The following XPO1 variants were observed in gnomAD, a reference collection of about 807,000 sequenced individuals.
XPO1 encodes the protein exportin 1.
A neutral mutation model predicts 133.3 loss-of-function variants in XPO1; 5 were observed. The ratio of observed to expected loss-of-function variants is 0.04; its 90% CI spans 0.02 to 0.08. The LOEUF is 0.08. XPO1 is among the 10% of genes least tolerant of loss of function. The probability of loss-of-function intolerance (pLI) is 1.00; values close to 1 mark genes in which losing one functional copy is unlikely to be tolerated. For missense variants in XPO1, 506 were observed against 1,267.5 expected, an observed-to-expected ratio of 0.40 and a Z score of 9.12; for synonymous variants, 419 against 408.2, an observed-to-expected ratio of 1.03 and a Z score of -0.32.
chr2:61,502,011 A>G lies in XPO1; in HGVS notation c.393T>C (p.Asn131=), dbSNP rs373539410. 15 of 1,600,998 alleles carry G rather than the reference A, an allele frequency of 9.4e-6. No individual in the cohort carries two copies. Among genetic ancestry groups the G allele is most frequent in the African/African-American group, 2.7e-5 (2 of 74,536 alleles). ...EKEKVYIGKL[N]MILVQILKQE... is the part of the protein sequence containing the mutation. ...TAAAGCTTACCTGAACAAGGATCATATTTAATTTTCCGATATACACCTTTT... is the reference window on the plus strand; with the variant it reads ...TAAAGCTTACCTGAACAAGGATCATGTTTAATTTTCCGATATACACCTTTT... Residue 131 remains asparagine, a synonymous_variant, in exon 6 of 25, where the codon AAT becomes AAC. Transcript: ENST00000401558.
rs187035698 is a variant in XPO1 at position 61,496,067 on chromosome 2, T to C, written c.889-454A>G. Among the ~76,000 whole-genome samples, 3 of 152,314 alleles carry C rather than the reference T, an allele frequency of 2.0e-5. No individual in the cohort carries two copies. The East Asian group carries it at 5.8e-4, about 29-fold the overall frequency. On this transcript the variant is annotated intron_variant, in intron 10 of 24. Coordinates refer to ENST00000401558, the MANE Select transcript of XPO1 (RefSeq NM_003400.4). Reference sequence around the variant, plus strand: ...TCCAGTATACCTATTCTTATATCTCTAGGACTTAGATTTTGACTCTTCTCA... The same window carrying C: ...TCCAGTATACCTATTCTTATATCTCCAGGACTTAGATTTTGACTCTTCTCA...
chr2:61,528,349 T>C (rs544981270), intron 2 of XPO1, among the ~76,000 whole-genome samples: 2 of 152,230 alleles, frequency 1.3e-5, no homozygotes, highest in Admixed American at 1.3e-4. Context: ...TTAAAAATCT[T>C]TTAGGCTGGG....
In XPO1 at chr2:61,537,638, G is replaced by A. The variant is rs183119810; in HGVS notation, c.-83C>T. On this transcript the variant is annotated 5_prime_UTR_variant, in exon 1 of 25. Coordinates refer to ENST00000401558, the MANE Select transcript of XPO1 (RefSeq NM_003400.4). ...GGGAAGGTGGGGAGGGGGGAGAGGG[G>A]ACGAATCAAGGTGGGTTTCAGTTTT... 831 of 151,848 alleles carry A rather than the reference G, an allele frequency of 5.5e-3. 3 individuals carry two copies. Among genetic ancestry groups the A allele is most frequent in the Non-Finnish European group, 8.9e-3 (604 of 67,792 alleles). 9.4% of individuals were successfully genotyped at this position (151,848 alleles called of 1,614,324 possible). A position where few individuals can be genotyped will look rare whatever the true frequency, so the allele number is the denominator to read the frequency against.
chr2:61,512,828 G>A (rs1698159017), intron 4 of XPO1, among the ~76,000 whole-genome samples: 2 of 152,168 alleles, frequency 1.3e-5, no homozygotes, highest in African/African-American at 4.8e-5. Context: ...ATCACTTGAG[G>A]TCTGGAGTTC....
intron 4 of XPO1, among the ~76,000 whole-genome samples, chr2:61,503,896 T>A (rs1697669131): frequency 6.6e-6 from 1 of 152,162 alleles, no homozygotes; most frequent in Admixed American, 6.5e-5. Flanking sequence ...AATTTATTGA[T>A]GGCTTGGGCA....
Position 61,537,732 on chromosome 2 carries a change from A to G in XPO1, c.-177T>C, listed in dbSNP as rs72888772. The G allele has an allele frequency of 0.015, 2,179 of 145,222 alleles. 70 individuals carry two copies. Among genetic ancestry groups the G allele is most frequent in the African/African-American group, 0.052 (2,035 of 38,852 alleles). The allele number at this position is 145,222 out of a possible 1,614,324, so 9.0% of individuals were successfully genotyped here. On this transcript the variant is annotated 5_prime_UTR_variant, in exon 1 of 25. Coordinates refer to ENST00000401558, the MANE Select transcript of XPO1 (RefSeq NM_003400.4). ...CAAAAAGAGCTCAATAATATTTACT[A>G]TTTCAGGGACGCTTCCCCCAACACA...
chr2:61,498,485 G>A (rs1697349106), intron 9 of XPO1, among the ~76,000 whole-genome samples, 188 bp downstream of exon 9: 1 of 152,130 alleles, frequency 6.6e-6, no homozygotes, highest in South Asian at 2.1e-4. Flanking sequence ...GGTCTAAGTG[G>A]CAGAATCAGA....
At chr2:61,512,238 A>T (rs1293248361) in intron 4 of XPO1, among the ~76,000 whole-genome samples, 1 of 152,200 alleles carries the variant, frequency 6.6e-6, no homozygotes, top group Non-Finnish European at 1.5e-5. Flanking sequence ...CTTAAGTCTA[A>T]TATTTACATT....
chr2:61,494,178 T>A, intron 11 of XPO1, 87 bp from the exon 12 acceptor site: 1 of 1,233,562 alleles, frequency 8.1e-7, no homozygotes, highest in Non-Finnish European at 1.1e-6. Flanking sequence ...TAAGGGAAAA[T>A]AAAAATTCAT....
rs1573097438 is a variant in XPO1, at chr2:61,481,359, A to G, written c.2973-78T>C. On this transcript the variant is annotated intron_variant, in intron 23 of 24. Transcript: ENST00000401558. ...GAGTATTGCTCTGTCACCAGGCTGG[A>G]GTACAGTGGCATGATCTCTGCTCAC... The G allele has an allele frequency of 3.7e-6, 4 of 1,069,164 alleles. No individual in the cohort carries two copies. In the African/African-American group the frequency reaches 4.9e-5, roughly 13 times the overall value. 66.2% of individuals were successfully genotyped at this position (1,069,164 alleles called of 1,614,324 possible). A position where few individuals can be genotyped will look rare whatever the true frequency, so the allele number is the denominator to read the frequency against.
chr2:61,522,479 C>T, intron 4 of XPO1, 132 bp downstream of exon 4: 1 of 739,714 alleles, frequency 1.4e-6, no homozygotes, highest in Non-Finnish European at 2.2e-6. Context: ...CTGTTTGCTT[C>T]ATGATAAAAG....
At chr2:61,520,702 G>T (rs1021902697) in intron 4 of XPO1, among the ~76,000 whole-genome samples, 3 of 152,140 alleles carry the variant, frequency 2.0e-5, no homozygotes, top group Non-Finnish European at 4.4e-5. Context: ...TGTAACAAAT[G>T]TAACTACAGT....
chr2:61,530,841 A>AT (rs915931866), intron 2 of XPO1, among the ~76,000 whole-genome samples: 1 of 152,018 alleles, frequency 6.6e-6, no homozygotes, highest in African/African-American at 2.4e-5. Context: ...CAAAAAAAAA[A>AT]TTTTTTTAAT....
chr2:61,519,092 A>C (rs1452887182), intron 4 of XPO1, among the ~76,000 whole-genome samples: 3 of 152,166 alleles, frequency 2.0e-5, no homozygotes, highest in Non-Finnish European at 2.9e-5. Context: ...CTGGGATTAC[A>C]GGCATGTGCC....
intron 3 of XPO1, among the ~76,000 whole-genome samples, chr2:61,523,049 C>A (rs569039886): frequency 6.6e-6 from 1 of 152,182 alleles, no homozygotes; most frequent in Non-Finnish European, 1.5e-5. Context: ...TACTTTAACA[C>A]GAACAGGCTC....
At chr2:61,512,135 G>A (rs538169461) in intron 4 of XPO1, among the ~76,000 whole-genome samples, 10 of 152,316 alleles carry the variant, frequency 6.6e-5, no homozygotes, top group African/African-American at 2.4e-4. Context: ...TGGAATGCCT[G>A]TCAACTCTCT....
At chr2:61,527,864 A>C (rs1698973765) in intron 2 of XPO1, among the ~76,000 whole-genome samples, 1 of 151,860 alleles carries the variant, frequency 6.6e-6, no homozygotes, top group African/African-American at 2.4e-5. Context: ...AAAATAACTA[A>C]AGTTTATGGA....
At chr2:61,536,994 C>T (rs979261747) in intron 1 of XPO1, 1 of 152,218 alleles carries the variant, frequency 6.6e-6, no homozygotes, top group African/African-American at 2.4e-5. Context: ...CATGTGCAGG[C>T]CCCTGAAAAA....
chr2:61,501,867 CTAT>C (rs1371378084), intron 6 of XPO1, 126 bp downstream of exon 6: 4 of 682,530 alleles, frequency 5.9e-6, no homozygotes, highest in East Asian at 2.8e-5. Flanking sequence ...AGTAGGTTAC[CTAT>C]TATTATAAGA....
Sources: gnomAD v4.1 joint callset for allele counts (sites outside exome capture counted in the v4.1 genomes callset) on GRCh38, gnomAD v4.1.1 for gene constraint, MANE v1.5 for transcripts, NCBI Gene and HGNC (gene_info 2026-07-23, HGNC 2026-07-21) for gene names.